EFR3A: variants seen among roughly 807,000 people sequenced by gnomAD.
EFR3A encodes the protein protein EFR3 homolog A.
In EFR3A, 76 loss-of-function variants were observed where a neutral mutation model predicts 104.4. That is an observed-to-expected ratio of 0.73 (90% CI 0.60 to 0.88). The LOEUF (loss-of-function observed/expected upper bound fraction) is 0.88, where lower values mean the gene tolerates loss of function less well. Ranked by LOEUF, EFR3A falls within the 40% of genes least tolerant of loss-of-function variation. The probability of loss-of-function intolerance (pLI) is 0.00; values close to 1 mark genes in which losing one functional copy is unlikely to be tolerated. For missense variants in EFR3A, 985 were observed against 1,012.5 expected (o/e 0.97, Z 0.37); for synonymous variants, 330 against 330.0 (o/e 1.00, Z 0.00).
At position 131,985,087 on chromosome 8, in the gene EFR3A, C is replaced by T. The variant is rs112431019; in HGVS notation, c.1869+27C>T. The T allele has an allele frequency of 3.9e-5, 61 of 1,579,496 alleles. No individual in the cohort carries two copies. The African/African-American group carries it at 7.3e-4, about 19-fold the overall frequency. On this transcript the variant is annotated intron_variant, in intron 16 of 22. Coordinates refer to ENST00000254624, the MANE Select transcript of EFR3A (RefSeq NM_015137.6). ...TAATGTATTTAGAAAAGTCCTTAAACTTGAATTTTGTACAAAATTGCTAAT... is the reference window on the plus strand; with the variant it reads ...TAATGTATTTAGAAAAGTCCTTAAATTTGAATTTTGTACAAAATTGCTAAT...
intron 1 of EFR3A, among the ~76,000 whole-genome samples, chr8:131,925,392 CA>C (rs1817247020): frequency 6.6e-6 from 1 of 151,980 alleles, no homozygotes; most frequent in Non-Finnish European, 1.5e-5. Flanking sequence ...TGAAGTGGGG[CA>C]AAACGTCCTT....
Position 131,943,241 on chromosome 8 carries a change from T to TG in EFR3A, c.88-1503dup, listed in dbSNP as rs1458898007. Among the ~76,000 whole-genome samples, 12 of 152,238 alleles carry TG rather than the reference T, an allele frequency of 7.9e-5. No individual in the cohort carries two copies. The South Asian group carries it at 2.1e-3, about 26-fold the overall frequency. Reference sequence around the variant, plus strand: ...CACTTCTGATCCCAGGCATTTTGGATGAGGTATCCTCAACCTGTATCTTAT... The same window carrying TG: ...CACTTCTGATCCCAGGCATTTTGGATGGAGGTATCCTCAACCTGTATCTTAT... On this transcript the variant is annotated intron_variant, in intron 2 of 22. Coordinates refer to ENST00000254624, the MANE Select transcript of EFR3A (RefSeq NM_015137.6).
chr8:131,908,581 C>G (rs34025864), intron 1 of EFR3A, among the ~76,000 whole-genome samples: 2 of 152,068 alleles, frequency 1.3e-5, no homozygotes, highest in Non-Finnish European at 2.9e-5. Context: ...CCCTATTTGA[C>G]CTGTTTTAGA....
intron 14 of EFR3A, among the ~76,000 whole-genome samples, chr8:131,983,494 T>TAATCTTTATTATAATAATAAATAATA (rs1563689676): frequency 2.0e-5 from 3 of 152,090 alleles, no homozygotes. Context: ...AAGGCTTTAA[T>TAATCTTTATTATAATAATAAATAATA]AATCTTTATT....
Position 131,994,109 on chromosome 8 carries a change from G to A in EFR3A, c.2066-2297G>A, listed in dbSNP as rs184660636. Among the ~76,000 whole-genome samples, 12 of 152,260 alleles carry A rather than the reference G, an allele frequency of 7.9e-5. No homozygotes were observed. The East Asian group carries it at 2.3e-3, about 29-fold the overall frequency. On this transcript the variant is annotated intron_variant, in intron 18 of 22. Coordinates refer to ENST00000254624, the MANE Select transcript of EFR3A (RefSeq NM_015137.6). ...TTAAAAAAAATTAACTGGGCACGGT[G>A]GCACATGCCTGTAGTCCTGACTACT...
At position 131,907,791 on chromosome 8, in the gene EFR3A, CCT is replaced by C. The variant is rs199976930; in HGVS notation, c.10+3470_10+3471del. Among the ~76,000 whole-genome samples, 1,022 of 151,994 alleles carry C rather than the reference CCT, an allele frequency of 6.7e-3. 2 individuals carry two copies. The highest frequency in any genetic ancestry group is 0.017 in the Middle Eastern group (5 of 292). ...TCTCTCCCCTTTTCCCCTCTTCCCC[CCT>C]TTCCTCATTGTCCCTTTGCTTCCTT... On this transcript the variant is annotated intron_variant, in intron 1 of 22. Transcript: ENST00000254624.
At chr8:132,005,752 A>T (rs1501063) in intron 22 of EFR3A, among the ~76,000 whole-genome samples, 40,622 of 152,044 alleles carry the variant, frequency 0.27, 6,244 homozygotes, top group East Asian at 0.49. Flanking sequence ...TAAGATTTGA[A>T]CCATTTCAGT....
intron 10 of EFR3A, among the ~76,000 whole-genome samples, chr8:131,975,082 A>C (rs1820254468): frequency 6.6e-6 from 1 of 152,250 alleles, no homozygotes; most frequent in African/African-American, 2.4e-5. Context: ...CCAGGAAGTA[A>C]GTATCAAAAG....
At chr8:131,934,424 C>T (rs1250392083) in intron 1 of EFR3A, among the ~76,000 whole-genome samples, 3 of 152,150 alleles carry the variant, frequency 2.0e-5, no homozygotes, top group African/African-American at 7.2e-5. Flanking sequence ...TTTCTCTCTC[C>T]TCTGAACCTC....
chr8:131,922,045 G>A (rs1476499353), intron 1 of EFR3A, among the ~76,000 whole-genome samples: 1 of 152,286 alleles, frequency 6.6e-6, no homozygotes, highest in African/African-American at 2.4e-5. Flanking sequence ...TGCTTCTGAA[G>A]GCTCTAGGGA....
In EFR3A at chr8:131,934,637, A is replaced by G. The variant is rs546654921; in HGVS notation, c.11-5862A>G. 9.2e-5 allele frequency among the ~76,000 whole-genome samples: 14 copies of G among 152,146 alleles called. No homozygotes were observed. The East Asian group carries it at 2.5e-3, about 27-fold the overall frequency. ...GGCTTTATAGATAATACATATGTGT[A>G]TGTGTGTATATATATATAAAAATAC... On this transcript the variant is annotated intron_variant, in intron 1 of 22. Transcript: ENST00000254624.
intron 1 of EFR3A, among the ~76,000 whole-genome samples, chr8:131,908,440 G>C (rs1313372171): frequency 6.6e-6 from 1 of 152,092 alleles, no homozygotes; most frequent in African/African-American, 2.4e-5. Flanking sequence ...CCAACTTACT[G>C]ATTACTTTAT....
intron 10 of EFR3A, among the ~76,000 whole-genome samples, chr8:131,973,182 A>G (rs964478926): frequency 2.0e-5 from 3 of 151,728 alleles, no homozygotes; most frequent in African/African-American, 7.3e-5. Flanking sequence ...AAAATATCAT[A>G]AACTCCAACA....
intron 1 of EFR3A, among the ~76,000 whole-genome samples, chr8:131,934,671 A>T (rs1470824965): frequency 1.3e-5 from 2 of 152,150 alleles, no homozygotes; most frequent in African/African-American, 2.4e-5. Flanking sequence ...ACAGAATTAT[A>T]TATAATACGT....
chr8:132,005,646 C>T lies in EFR3A; in HGVS notation c.2360+2361C>T, dbSNP rs572067463. 2.6e-5 allele frequency among the ~76,000 whole-genome samples: 4 copies of T among 152,182 alleles called. No homozygotes were observed. In the East Asian group the frequency reaches 5.8e-4, roughly 22 times the overall value. On this transcript the variant is annotated intron_variant, in intron 22 of 22. Transcript: ENST00000254624. ...TGACATTGCTTATTCTCACGATCGT[C>T]TCCTGTTTCTTTGCATTATAATTGC...
chr8:131,979,281 A>G lies in EFR3A; in HGVS notation c.1500-65A>G, dbSNP rs1336602295. 6 of 1,240,472 alleles carry G rather than the reference A, an allele frequency of 4.8e-6. No individual in the cohort carries two copies. In the South Asian group the frequency reaches 7.0e-5, roughly 15 times the overall value. 76.8% of individuals were successfully genotyped at this position (1,240,472 alleles called of 1,614,324 possible). A position where few individuals can be genotyped will look rare whatever the true frequency, so the allele number is the denominator to read the frequency against. ...CTCCTAAGTATAAATACAATTTTCC[A>G]TATAAGATGTGATATTGTAAATAAG... On this transcript the variant is annotated intron_variant, in intron 13 of 22. Coordinates refer to ENST00000254624, the MANE Select transcript of EFR3A (RefSeq NM_015137.6).
At chr8:131,921,591 A>C (rs1435703858) in intron 1 of EFR3A, among the ~76,000 whole-genome samples, 1 of 152,202 alleles carries the variant, frequency 6.6e-6, no homozygotes, top group Non-Finnish European at 1.5e-5. Context: ...TTAAACTTTG[A>C]TGTAAATTAA....
chr8:131,907,506 G>A (rs1376962719), intron 1 of EFR3A, among the ~76,000 whole-genome samples: 1 of 152,072 alleles, frequency 6.6e-6, no homozygotes. Flanking sequence ...TCTCATTTAG[G>A]TACTGACGTT....
In EFR3A at chr8:131,965,185, G is replaced by A. The variant is rs1323567633; in HGVS notation, c.856-3110G>A. ...GGACTTCATGTCTAAAACACCAAAAGCAATGGCAACAAAAGCCACAATTGA... is the reference window on the plus strand; with the variant it reads ...GGACTTCATGTCTAAAACACCAAAAACAATGGCAACAAAAGCCACAATTGA... On this transcript the variant is annotated intron_variant, in intron 8 of 22. Coordinates refer to ENST00000254624, the MANE Select transcript of EFR3A (RefSeq NM_015137.6). Among the ~76,000 whole-genome samples the A allele has an allele frequency of 2.0e-5, 3 of 152,076 alleles. No individual in the cohort carries two copies. In the East Asian group the frequency reaches 5.8e-4, roughly 29 times the overall value.
Sources: gnomAD v4.1 joint callset for allele counts (sites outside exome capture counted in the v4.1 genomes callset) on GRCh38, gnomAD v4.1.1 for gene constraint, MANE v1.5 for transcripts, NCBI Gene and HGNC (gene_info 2026-07-23, HGNC 2026-07-21) for gene names.